The following CEP112 variants were observed in gnomAD, a reference collection of about 807,000 sequenced individuals.
CEP112 encodes centrosomal protein 112.
Under a neutral mutation model 153.0 loss-of-function variants are expected in CEP112, and 127 were observed. The ratio of observed to expected loss-of-function variants is 0.83; its 90% CI spans 0.72 to 0.96. The LOEUF (loss-of-function observed/expected upper bound fraction) is 0.96, where lower values mean the gene tolerates loss of function less well. CEP112 is among the 40% of genes least tolerant of loss of function. CEP112 has a pLI of 0.00. For missense variants in CEP112, 1,089 were observed against 1,101.2 expected, an observed-to-expected ratio of 0.99 and a Z score of 0.16; for synonymous variants, 358 against 374.4, an observed-to-expected ratio of 0.96 and a Z score of 0.51.
At chr17:65,654,952 T>G in intron 24 of CEP112, 1 of 661,374 alleles carries the variant, frequency 1.5e-6, no homozygotes. Flanking sequence ...CACAAATTAT[T>G]GCGGAAGCCG....
At chr17:65,730,413 C>A (rs1052337183) in intron 23 of CEP112, among the ~76,000 whole-genome samples, 1 of 152,172 alleles carries the variant, frequency 6.6e-6, no homozygotes, top group African/African-American at 2.4e-5. Context: ...ACGCTTTATG[C>A]TACTATGACT....
chr17:65,957,810 T>C (rs1332764821), intron 18 of CEP112, among the ~76,000 whole-genome samples: 2 of 152,294 alleles, frequency 1.3e-5, no homozygotes, highest in Non-Finnish European at 2.9e-5. Flanking sequence ...AACTTGTTAA[T>C]TTTATTAATG....
chr17:65,925,184 G>A (rs553087673), intron 19 of CEP112, among the ~76,000 whole-genome samples: 3 of 152,142 alleles, frequency 2.0e-5, no homozygotes. Context: ...CACAAGATCC[G>A]ACGGTTTTAT....
intron 4 of CEP112, among the ~76,000 whole-genome samples, chr17:66,153,292 A>G (rs1014360212): frequency 4.6e-5 from 7 of 152,184 alleles, no homozygotes; most frequent in African/African-American, 1.7e-4. Context: ...CCAAATATCC[A>G]TTAACTGGTG....
chr17:65,848,415 T>C (rs1378969368), intron 21 of CEP112, among the ~76,000 whole-genome samples: 2 of 152,146 alleles, frequency 1.3e-5, no homozygotes, highest in African/African-American at 4.8e-5. Context: ...AATAGTCTTT[T>C]CCTCTATTTC....
At chr17:65,967,298 G>A (rs1048332324) in intron 17 of CEP112, among the ~76,000 whole-genome samples, 15 of 152,294 alleles carry the variant, frequency 9.8e-5, no homozygotes, top group African/African-American at 3.6e-4. Flanking sequence ...ATGGATGTCA[G>A]CTAGGACGTC....
At chr17:65,706,686 A>C (rs982955941) in intron 23 of CEP112, among the ~76,000 whole-genome samples, 1 of 152,184 alleles carries the variant, frequency 6.6e-6, no homozygotes, top group African/African-American at 2.4e-5. Flanking sequence ...ATATTCACCT[A>C]GTTATCCAAA....
chr17:65,719,689 G>T (rs1460381581), intron 23 of CEP112, among the ~76,000 whole-genome samples: 1 of 152,180 alleles, frequency 6.6e-6, no homozygotes, highest in East Asian at 1.9e-4. Context: ...AGTAGGAGTT[G>T]GCCAGAAGAA....
chr17:65,806,787 A>G (rs998809170), intron 21 of CEP112, among the ~76,000 whole-genome samples: 2 of 152,344 alleles, frequency 1.3e-5, no homozygotes, highest in African/African-American at 4.8e-5. Context: ...TTAAGCCTGC[A>G]AAACTGTGAG....
rs372109071 is a variant in CEP112 at position 66,154,994 on chromosome 17, C to CCT, written c.470+20048_470+20049dup. Among the ~76,000 whole-genome samples, 443 of 151,692 alleles carry CCT rather than the reference C, an allele frequency of 2.9e-3. 5 individuals are homozygous for CCT. Among genetic ancestry groups the CCT allele is most frequent in the African/African-American group, 9.9e-3 (409 of 41,430 alleles). On this transcript the variant is annotated intron_variant, in intron 4 of 26. Transcript: ENST00000535342. Reference sequence around the variant, plus strand: ...GCCCACTTCTCTTTCTCCCTCCCTCCCTCTCTCTCTCTCTTCTCACTTTCT... The same window carrying CCT: ...GCCCACTTCTCTTTCTCCCTCCCTCCCTCTCTCTCTCTCTCTTCTCACTTTCT...
At chr17:65,798,287 AC>A (rs1295741120) in intron 21 of CEP112, among the ~76,000 whole-genome samples, 1 of 152,176 alleles carries the variant, frequency 6.6e-6, no homozygotes, top group African/African-American at 2.4e-5. Context: ...AAAATTTGAA[AC>A]CTATTATCTT....
intron 20 of CEP112, among the ~76,000 whole-genome samples, chr17:65,853,338 T>C (rs1439587182): frequency 6.6e-6 from 1 of 152,150 alleles, no homozygotes; most frequent in Non-Finnish European, 1.5e-5. Flanking sequence ...GGTGTCTGTG[T>C]CTCTGTGGTG....
intron 18 of CEP112, among the ~76,000 whole-genome samples, chr17:65,950,950 G>T (rs1220505356): frequency 6.6e-6 from 1 of 151,952 alleles, no homozygotes; most frequent in East Asian, 1.9e-4. Context: ...ATCATAAATG[G>T]TGCTTGAATT....
intron 18 of CEP112, among the ~76,000 whole-genome samples, chr17:65,950,041 C>T (rs1274863162): frequency 6.6e-6 from 1 of 152,004 alleles, no homozygotes; most frequent in Non-Finnish European, 1.5e-5. Flanking sequence ...AAAAAATAGC[C>T]TTAGAAGTAG....
At chr17:65,642,743 T>C (rs969048679) in intron 24 of CEP112, among the ~76,000 whole-genome samples, 4 of 152,128 alleles carry the variant, frequency 2.6e-5, no homozygotes, top group African/African-American at 9.7e-5. Context: ...GAAGGAAAAA[T>C]GCAAAGCAAA....
At chr17:65,814,130 G>C (rs1246098021) in intron 21 of CEP112, among the ~76,000 whole-genome samples, 1 of 152,172 alleles carries the variant, frequency 6.6e-6, no homozygotes, top group Non-Finnish European at 1.5e-5. Context: ...TGTAAGGCAA[G>C]AGTAGAATCT....
intron 4 of CEP112, among the ~76,000 whole-genome samples, chr17:66,153,599 C>T (rs72837159): frequency 0.28 from 42,862 of 151,834 alleles, 6,297 homozygotes; most frequent in Non-Finnish European, 0.32. Flanking sequence ...AACATGCACG[C>T]ACACATGCAC....
chr17:66,132,218 C>G (rs2070216228), intron 5 of CEP112, among the ~76,000 whole-genome samples: 1 of 130,678 alleles, frequency 7.7e-6, no homozygotes, highest in African/African-American at 2.9e-5. Context: ...AACTGGAGTG[C>G]TCATTAGCAC....
intron 24 of CEP112, among the ~76,000 whole-genome samples, chr17:65,643,486 A>G (rs1350552610): frequency 6.7e-6 from 1 of 149,286 alleles, no homozygotes; most frequent in Non-Finnish European, 1.5e-5. Flanking sequence ...TTTTTAGTAG[A>G]GATGGAGTTT....
Sources: allele counts gnomAD v4.1 joint callset (sites outside exome capture counted in the v4.1 genomes callset), GRCh38; gene constraint gnomAD v4.1.1; transcripts MANE v1.5; gene names NCBI Gene and HGNC (gene_info 2026-07-23, HGNC 2026-07-21).